Variants in GTF3C1 observed in about 807,000 individuals in gnomAD.
The protein encoded by GTF3C1 is general transcription factor 3C polypeptide 1.
A neutral mutation model predicts 226.7 loss-of-function variants in GTF3C1; 57 were observed. The ratio of observed to expected loss-of-function variants is 0.25; its 90% CI spans 0.20 to 0.31. The LOEUF (loss-of-function observed/expected upper bound fraction) is 0.31, where lower values mean the gene tolerates loss of function less well. GTF3C1 is among the 10% of genes least tolerant of loss of function. The probability of loss-of-function intolerance (pLI) is 1.00; values close to 1 mark genes in which losing one functional copy is unlikely to be tolerated. For synonymous variants in GTF3C1, 1,090 were observed against 1,084.8 expected, an observed-to-expected ratio of 1.00 and a Z score of -0.09; for missense variants, 2,217 against 2,776.1, an observed-to-expected ratio of 0.80 and a Z score of 4.53.
chr16:27,526,897 G>A (rs149867533), intron 6 of GTF3C1, among the ~76,000 whole-genome samples: 1 of 152,194 alleles, frequency 6.6e-6, no homozygotes, highest in Admixed American at 6.5e-5. Context: ...AAAAAGGATG[G>A]GACAAAAATC....
At chr16:27,523,097 A>C (rs995078031) in intron 6 of GTF3C1, among the ~76,000 whole-genome samples, 1 of 152,192 alleles carries the variant, frequency 6.6e-6, no homozygotes, top group African/African-American at 2.4e-5. Flanking sequence ...CCCAGGGAGC[A>C]CAATTTCTGT....
At chr16:27,494,969 T>C in intron 15 of GTF3C1, 61 bp from the exon 16 acceptor site, 1 of 1,457,170 alleles carries the variant, frequency 6.9e-7, no homozygotes, top group East Asian at 2.3e-5. Flanking sequence ...TGGTGACACA[T>C]GGTAACGTCA....
At chr16:27,478,325 G>A (rs2087984336) in intron 28 of GTF3C1, 144 bp downstream of exon 28, 2 of 655,818 alleles carry the variant, frequency 3.0e-6, no homozygotes, top group African/African-American at 3.6e-5. Context: ...ATACAGAATG[G>A]GCATGGCTGT....
chr16:27,498,290 A>C (rs1373527795), intron 13 of GTF3C1, among the ~76,000 whole-genome samples: 1 of 152,210 alleles, frequency 6.6e-6, no homozygotes, highest in Non-Finnish European at 1.5e-5. Flanking sequence ...AGCTCATTAC[A>C]TGGTTTATGA....
chr16:27,505,877 C>G, intron 10 of GTF3C1, 22 bp downstream of exon 10: 96 of 1,301,000 alleles, frequency 7.4e-5, no homozygotes, highest in Non-Finnish European at 9.4e-5. Context: ...GGAGACAGCT[C>G]CCTCCCTCTG....
At chr16:27,527,821 G>A in intron 6 of GTF3C1, among the ~76,000 whole-genome samples, 1 of 152,190 alleles carries the variant, frequency 6.6e-6, no homozygotes, top group East Asian at 1.9e-4. Flanking sequence ...GGGCAACATA[G>A]CGAGACTTTC....
Position 27,545,360 on chromosome 16 carries a change from T to C in GTF3C1, c.385A>G (p.Thr129Ala), listed in dbSNP as rs1258762006. ...GTACAGCGAGGCTGCAAGGACTTGG[T>C]TCTGATGTCATTGGTAATGTTTTTC... ...ERKNITNDIR[T>A]KSLQPRCTMV... The change falls in exon 2 of 37, where the codon ACC (threonine) becomes GCC (alanine). Residue 129 changes from threonine (T) to alanine (A), a missense_variant. Physicochemically the swap from Thr to Ala is moderately conservative, Grantham distance 58 (BLOSUM62 0). Transcript: ENST00000356183. 9.3e-6 allele frequency: 15 copies of C among 1,613,932 alleles called. No individual in the cohort carries two copies. Among genetic ancestry groups the C allele is most frequent in the Non-Finnish European group, 1.3e-5 (15 of 1,179,886 alleles).
Position 27,461,340 on chromosome 16 carries a change from C to T in GTF3C1, c.*10G>A. On this transcript the variant is annotated 3_prime_UTR_variant, in exon 37 of 37. Coordinates refer to ENST00000356183, the MANE Select transcript of GTF3C1 (RefSeq NM_001520.4). This position sits in a 1 kb window ranked among gnomAD's most constrained non-coding sequence, Gnocchi z 5.3. The stretch of plus-strand genomic sequence containing the variant: ...CGGTGGCTGGGAGGGAGGGGACGCC[C>T]ACAGGGGTCCTAGAGGTGGATCCAC... The T allele has an allele frequency of 6.4e-7, 1 of 1,572,858 alleles. No individual in the cohort carries two copies. The highest frequency in any genetic ancestry group is 8.7e-7 in the Non-Finnish European group (1 of 1,146,338).
intron 27 of GTF3C1, among the ~76,000 whole-genome samples, chr16:27,478,934 G>A (rs1430676961): frequency 6.6e-6 from 1 of 151,962 alleles, no homozygotes; most frequent in Non-Finnish European, 1.5e-5. Context: ...AAGGAAAAAG[G>A]TGGTTCCCAG....
intron 23 of GTF3C1, 22 bp downstream of exon 23, chr16:27,488,205 A>C (rs1178815025): frequency 6.2e-7 from 1 of 1,600,374 alleles, no homozygotes. Flanking sequence ...GGCCCAGTAA[A>C]TGAAAATGAT....
intron 29 of GTF3C1, among the ~76,000 whole-genome samples, chr16:27,473,071 G>C (rs2087900046): frequency 6.6e-6 from 1 of 152,138 alleles, no homozygotes; most frequent in South Asian, 2.1e-4. Context: ...ACTATGCCTG[G>C]TTAATTTTTG....
At position 27,498,720 on chromosome 16, in the gene GTF3C1, AC is replaced by A; in HGVS notation, c.2074del (p.Val692CysfsTer11). The A allele has an allele frequency of 6.4e-7, 1 of 1,573,656 alleles. No individual in the cohort carries two copies. The highest frequency in any genetic ancestry group is 1.3e-5 in the African/African-American group (1 of 74,228). The part of the protein sequence containing the change: ...DGIKKKVDLV[V>X]HPSMDQNDPL... Reference sequence around the variant, plus strand: ...GTCGTTCTGGTCCATGGACGGGTGCACCACCAGATCCACCTGGAGAGAGAGG... The same window carrying A: ...GTCGTTCTGGTCCATGGACGGGTGCACACCAGATCCACCTGGAGAGAGAGG... On this transcript the variant is annotated frameshift_variant, in exon 13 of 37. Transcript: ENST00000356183. LOFTEE classifies it high-confidence loss of function.
chr16:27,523,900 T>G (rs1347677347), intron 6 of GTF3C1, among the ~76,000 whole-genome samples: 1 of 152,152 alleles, frequency 6.6e-6, no homozygotes, highest in Non-Finnish European at 1.5e-5. Flanking sequence ...TGCATGCATG[T>G]GACAATCTAA....
chr16:27,546,324 T>A (rs541976573), intron 1 of GTF3C1, among the ~76,000 whole-genome samples: 1 of 152,140 alleles, frequency 6.6e-6, no homozygotes, highest in African/African-American at 2.4e-5. Flanking sequence ...ATTAAATGCC[T>A]CCCATTCCAA....
chr16:27,545,615 C>T (rs2089151382), intron 1 of GTF3C1, 92 bp from the exon 2 acceptor site: 2 of 738,658 alleles, frequency 2.7e-6, no homozygotes, highest in Non-Finnish European at 4.8e-6. Context: ...CAGCAGAGAT[C>T]AGAGAGAAGT....
rs1393512821 is a variant in GTF3C1, at chr16:27,492,419, G to A, written c.3070C>T (p.Arg1024Cys). The A allele has an allele frequency of 3.1e-6, 5 of 1,610,420 alleles. No individual in the cohort carries two copies. The highest frequency in any genetic ancestry group is 4.2e-6 in the Non-Finnish European group (5 of 1,176,786). Residue 1024 changes from arginine (R) to cysteine (C), a missense_variant, in exon 19 of 37, where the codon CGC (arginine) becomes TGC (cysteine). Physicochemically the swap from Arg to Cys is radical, Grantham distance 180 (BLOSUM62 -3). Transcript: ENST00000356183. The surrounding 1 kb of genome is among the most constrained non-coding windows in gnomAD (Gnocchi z 5.0). ...LARSSRPFER[R>C]LYVLNSMQDV... ...TGCATTGAGTTCAGGACATAGAGGCGCCTCTCGAAGGGCCGGCTGCTGCGG... is the reference window on the plus strand; with the variant it reads ...TGCATTGAGTTCAGGACATAGAGGCACCTCTCGAAGGGCCGGCTGCTGCGG...
intron 6 of GTF3C1, among the ~76,000 whole-genome samples, chr16:27,518,470 C>T (rs1389953947): frequency 6.6e-6 from 1 of 152,216 alleles, no homozygotes; most frequent in African/African-American, 2.4e-5. Context: ...AGGACAGCGC[C>T]TGGCATGGAG....
intron 1 of GTF3C1, among the ~76,000 whole-genome samples, chr16:27,547,329 C>T (rs2089179429): frequency 6.6e-6 from 1 of 152,178 alleles, no homozygotes; most frequent in South Asian, 2.1e-4. Context: ...GCTTTCACTC[C>T]CACGAAGCCA....
At chr16:27,495,553 T>C in intron 14 of GTF3C1, 61 bp from the exon 15 acceptor site, 1 of 1,476,850 alleles carries the variant, frequency 6.8e-7, no homozygotes, top group South Asian at 1.2e-5. Flanking sequence ...CAGTTTTAAT[T>C]CATTAAAAAA....
Sources: gnomAD v4.1 joint callset for allele counts (sites outside exome capture counted in the v4.1 genomes callset) on GRCh38, gnomAD v4.1.1 for gene constraint, Gnocchi (gnomAD v3.1) non-coding constraint, MANE v1.5 for transcripts, NCBI Gene and HGNC (gene_info 2026-07-23, HGNC 2026-07-21) for gene names.